The following TGM3 variants were observed in gnomAD, a reference collection of about 807,000 sequenced individuals.
TGM3 encodes the protein protein-glutamine gamma-glutamyltransferase E.
A neutral mutation model predicts 73.8 loss-of-function variants in TGM3; 52 were observed. That is an observed-to-expected ratio of 0.70 (90% confidence interval 0.56 to 0.89). The LOEUF (loss-of-function observed/expected upper bound fraction) is 0.89, where lower values mean the gene tolerates loss of function less well. TGM3 is among the 40% of genes least tolerant of loss of function. The probability of loss-of-function intolerance (pLI) is 0.00; values close to 1 mark genes in which losing one functional copy is unlikely to be tolerated. For synonymous variants in TGM3, 372 were observed against 354.9 expected (o/e 1.05, Z -0.54); for missense variants, 928 against 909.9 (o/e 1.02, Z -0.26).
chr20:2,334,108 G>A lies in TGM3; in HGVS notation c.1643-1008G>A, dbSNP rs960319349. Reference sequence around the variant, plus strand: ...CATCAGGGTAGGGAAAGGGCCCCGCGGCCCACAGGGTCAGAAGAGAGGACT... The same window carrying A: ...CATCAGGGTAGGGAAAGGGCCCCGCAGCCCACAGGGTCAGAAGAGAGGACT... On this transcript the variant is annotated intron_variant, in intron 10 of 12. Coordinates refer to ENST00000381458, the MANE Select transcript of TGM3 (RefSeq NM_003245.4). This position sits in a 1 kb window ranked among gnomAD's most constrained non-coding sequence, Gnocchi z 4.0. 4.6e-5 allele frequency among the ~76,000 whole-genome samples: 7 copies of A among 152,152 alleles called. No homozygotes were observed. The highest frequency in any genetic ancestry group is 1.2e-4 in the African/African-American group (5 of 41,438).
At chr20:2,321,086 C>T (rs1418759064) in intron 7 of TGM3, among the ~76,000 whole-genome samples, 1 of 152,208 alleles carries the variant, frequency 6.6e-6, no homozygotes, top group East Asian at 1.9e-4. Context: ...TTCCACTAAT[C>T]CTGAACTGGC....
At chr20:2,308,132 G>C (rs1244922153) in intron 1 of TGM3, among the ~76,000 whole-genome samples, 1 of 152,108 alleles carries the variant, frequency 6.6e-6, no homozygotes, top group Non-Finnish European at 1.5e-5. Context: ...TGAAGTGGGA[G>C]AATCCCTTGA....
Position 2,332,047 on chromosome 20 carries a change from T to C in TGM3, c.1379T>C (p.Leu460Pro). The C allele has an allele frequency of 2.5e-6, 4 of 1,613,944 alleles. No homozygotes were observed. Among genetic ancestry groups the C allele is most frequent in the Non-Finnish European group, 3.4e-6 (4 of 1,179,864 alleles). Reference protein sequence around the residue: ...RQVFQKALGKLKPNTPFAATS... With the variant: ...RQVFQKALGKPKPNTPFAATS... The stretch of plus-strand genomic sequence containing the variant: ...GTGTTCCAAAAGGCTTTGGGGAAAC[T>C]TAAACCCAACACGCCATTTGCCGCG... The change falls in exon 10 of 13, where the codon CTT (leucine) becomes CCT (proline). Residue 460 changes from leucine (L) to proline (P), a missense_variant. Physicochemically the swap from Leu to Pro is moderately conservative, Grantham distance 98. Coordinates refer to ENST00000381458, the MANE Select transcript of TGM3 (RefSeq NM_003245.4). This position sits in a 1 kb window ranked among gnomAD's most constrained non-coding sequence, Gnocchi z 4.4.
chr20:2,312,248 A>C (rs1390465764), intron 4 of TGM3, among the ~76,000 whole-genome samples: 1 of 151,924 alleles, frequency 6.6e-6, no homozygotes, highest in East Asian at 1.9e-4. Context: ...AAAAATACAA[A>C]AATTGGCCAG....
intron 11 of TGM3, among the ~76,000 whole-genome samples, chr20:2,338,810 C>T (rs993756408): frequency 3.3e-5 from 5 of 152,356 alleles, no homozygotes; most frequent in Middle Eastern, 3.4e-3. Flanking sequence ...AAAATGCTTT[C>T]TTCCCCATCC....
At chr20:2,313,095 GCACACTCTTTA>G in intron 5 of TGM3, 69 bp downstream of exon 5, 1 of 1,591,948 alleles carries the variant, frequency 6.3e-7, no homozygotes, top group South Asian at 1.1e-5. Flanking sequence ...AGCTAGGCAC[GCACACTCTTTA>G]CATATGTCAT....
At chr20:2,313,097 A>G in intron 5 of TGM3, 71 bp downstream of exon 5, 5 of 1,587,102 alleles carry the variant, frequency 3.2e-6, no homozygotes, top group Middle Eastern at 1.8e-4. Context: ...CTAGGCACGC[A>G]CACTCTTTAC....
At chr20:2,327,447 AGACTGGGC>A (rs1402381745) in intron 8 of TGM3, among the ~76,000 whole-genome samples, 33 of 152,350 alleles carry the variant, frequency 2.2e-4, no homozygotes, top group African/African-American at 7.0e-4. Context: ...ACTGCACTCC[AGACTGGGC>A]GACAGAGCAC....
chr20:2,316,752 C>T (rs112553501), intron 5 of TGM3, among the ~76,000 whole-genome samples: 1 of 152,230 alleles, frequency 6.6e-6, no homozygotes, highest in African/African-American at 2.4e-5. Context: ...TGGAGTTGTG[C>T]CCTGCCTTGC....
In TGM3 at chr20:2,341,049, A is replaced by G; in HGVS notation, c.*468A>G. 1 of 423,232 alleles carries G rather than the reference A, an allele frequency of 2.4e-6. No individual in the cohort carries two copies. Among genetic ancestry groups the G allele is most frequent in the Non-Finnish European group, 4.8e-6 (1 of 207,928 alleles). 26.2% of individuals were successfully genotyped at this position (423,232 alleles called of 1,614,324 possible). A position where few individuals can be genotyped will look rare whatever the true frequency, so the allele number is the denominator to read the frequency against. ...TGCCCCAGCACTCACACCCTAACTC[A>G]AAATAAATGTTAAATAAGTGCGATC... is the stretch of plus-strand genomic sequence containing the variant. On this transcript the variant is annotated 3_prime_UTR_variant, in exon 13 of 13. Coordinates refer to ENST00000381458, the MANE Select transcript of TGM3 (RefSeq NM_003245.4).
intron 7 of TGM3, among the ~76,000 whole-genome samples, chr20:2,317,959 T>TATAC (rs1568627391): frequency 1.3e-4 from 19 of 147,386 alleles, no homozygotes; most frequent in Admixed American, 1.1e-3. Flanking sequence ...TATATATATA[T>TATAC]ACACCTATTG....
At position 2,334,248 on chromosome 20, in the gene TGM3, A is replaced by C. The variant is rs1031065683; in HGVS notation, c.1643-868A>C. 4.6e-5 allele frequency among the ~76,000 whole-genome samples: 7 copies of C among 152,226 alleles called. No individual in the cohort carries two copies. The highest frequency in any genetic ancestry group is 1.7e-4 in the African/African-American group (7 of 41,456). On this transcript the variant is annotated intron_variant, in intron 10 of 12. Transcript: ENST00000381458. The surrounding 1 kb of genome is among the most constrained non-coding windows in gnomAD (Gnocchi z 4.0). ...GAAAAGGTGCCTGTTTTGTCTGCAG[A>C]ACAAGAAGTGTGGAAGGTTCTTTTA... is the stretch of plus-strand genomic sequence containing the variant.
In TGM3 at chr20:2,334,898, G is replaced by T. The variant is rs571568877; in HGVS notation, c.1643-218G>T. On this transcript the variant is annotated intron_variant, in intron 10 of 12. Coordinates refer to ENST00000381458, the MANE Select transcript of TGM3 (RefSeq NM_003245.4). The surrounding 1 kb of genome is among the most constrained non-coding windows in gnomAD (Gnocchi z 4.0). ...GCCCATCCTCCTGGGAATCTGCCCA[G>T]CCAGAGAGAGTCCTGGGGCCTCTTT... Among the ~76,000 whole-genome samples the T allele has an allele frequency of 9.8e-5, 15 of 152,322 alleles. No homozygotes were observed. In the East Asian group the frequency reaches 2.9e-3, roughly 29 times the overall value.
In TGM3 at chr20:2,338,396, G is replaced by T. The variant is rs6137719; in HGVS notation, c.1801-1458G>T. ...GAAATCTCAAATTAAATATCACCATGAAAAATGTGGCAACATCTGTATAGC... is the reference window on the plus strand; with the variant it reads ...GAAATCTCAAATTAAATATCACCATTAAAAATGTGGCAACATCTGTATAGC... On this transcript the variant is annotated intron_variant, in intron 11 of 12. Transcript: ENST00000381458. Among the ~76,000 whole-genome samples, 177 of 152,188 alleles carry T rather than the reference G, an allele frequency of 1.2e-3. 2 individuals are homozygous for T. In the East Asian group the frequency reaches 0.029, roughly 25 times the overall value.
Position 2,328,993 on chromosome 20 carries a change from A to G in TGM3, c.1333+628A>G, listed in dbSNP as rs1486444338. On this transcript the variant is annotated intron_variant, in intron 9 of 12. Transcript: ENST00000381458. This position sits in a 1 kb window ranked among gnomAD's most constrained non-coding sequence, Gnocchi z 5.2. ...CGACTCAATTATATTCACTGCCCAG[A>G]GTTTCTTTTGAAACCAGCAGCGCAT... 6.6e-6 allele frequency among the ~76,000 whole-genome samples: 1 copy of G among 152,210 alleles called. No homozygotes were observed. The highest frequency in any genetic ancestry group is 1.5e-5 in the Non-Finnish European group (1 of 68,036).
At chr20:2,297,505 T>C (rs2084116530) in intron 1 of TGM3, among the ~76,000 whole-genome samples, 1 of 152,058 alleles carries the variant, frequency 6.6e-6, no homozygotes, top group African/African-American at 2.4e-5. Flanking sequence ...CCCCCAGGAA[T>C]GTGCACCTCC....
Position 2,328,384 on chromosome 20 carries a change from G to T in TGM3, c.1333+19G>T. On this transcript the variant is annotated intron_variant, in intron 9 of 12. Transcript: ENST00000381458. This position sits in a 1 kb window ranked among gnomAD's most constrained non-coding sequence, Gnocchi z 5.2. ...CCAGAAGGTAGGAGGGACGCTGGCG[G>T]GGCAGTGCCGCGAGAGGTTCTATTG... 6.2e-7 allele frequency: 1 copy of T among 1,613,372 alleles called. No individual in the cohort carries two copies. The highest frequency in any genetic ancestry group is 1.1e-5 in the South Asian group (1 of 91,014).
chr20:2,339,101 A>G (rs2084366458), intron 11 of TGM3, among the ~76,000 whole-genome samples: 1 of 152,252 alleles, frequency 6.6e-6, no homozygotes, highest in South Asian at 2.1e-4. Flanking sequence ...TCTGGGCTCT[A>G]GAAGTTTAGA....
intron 7 of TGM3, among the ~76,000 whole-genome samples, chr20:2,322,724 C>G (rs1405657123): frequency 6.6e-6 from 1 of 152,096 alleles, no homozygotes; most frequent in Non-Finnish European, 1.5e-5. Flanking sequence ...TCATTTCTGT[C>G]TTTTAGGGTG....
Sources: allele counts gnomAD v4.1 joint callset (sites outside exome capture counted in the v4.1 genomes callset), GRCh38; gene constraint gnomAD v4.1.1; non-coding constraint Gnocchi (gnomAD v3.1); transcripts MANE v1.5; gene names NCBI Gene and HGNC (gene_info 2026-07-23, HGNC 2026-07-21).